HTT: variants seen among roughly 807,000 people sequenced by gnomAD.
HTT encodes the protein huntington disease protein.
HTT carries 104 observed loss-of-function variants against 362.3 expected under a neutral mutation model. The observed-to-expected ratio is 0.29, with a 90% CI of 0.24 to 0.34. The LOEUF is 0.34. HTT is among the 10% of genes least tolerant of loss of function. The probability of loss-of-function intolerance (pLI) is 1.00; values close to 1 mark genes in which losing one functional copy is unlikely to be tolerated. For synonymous variants in HTT, 1,577 were observed against 1,548.7 expected, an observed-to-expected ratio of 1.02 and a Z score of -0.43; for missense variants, 3,301 against 3,928.6, an observed-to-expected ratio of 0.84 and a Z score of 4.27.
chr4:3,124,873 A>G (rs1451883509), intron 10 of HTT, among the ~76,000 whole-genome samples: 1 of 152,204 alleles, frequency 6.6e-6, no homozygotes, highest in East Asian at 1.9e-4. Flanking sequence ...AATTATTTTG[A>G]TAGTGTCATT....
In HTT at chr4:3,099,342, C is replaced by T. The variant is rs1361778147; in HGVS notation, c.416C>T (p.Ala139Val). 3 of 1,613,762 alleles carry T rather than the reference C, an allele frequency of 1.9e-6. No individual in the cohort carries two copies. Among genetic ancestry groups the T allele is most frequent in the Non-Finnish European group, 2.5e-6 (3 of 1,179,768 alleles). ...CTTTTTCTGCTGTGCAGTGATGACG[C>T]AGAGTCAGATGTCAGGATGGTGGCT... is the stretch of plus-strand genomic sequence containing the variant. ...MELFLLCSDD[A>V]ESDVRMVADE... The change falls in exon 3 of 67, where the codon GCA becomes GTA. Residue 139 changes from alanine to valine, a missense_variant. Ala to Val is a moderately conservative substitution (Grantham distance 64). Around this residue, in one of 4 missense-constraint regions of HTT, gnomAD observed 2,316 missense variants for 2,658.5 expected, o/e 0.87. Coordinates refer to ENST00000355072, the MANE Select transcript of HTT (RefSeq NM_001388492.1).
intron 40 of HTT, among the ~76,000 whole-genome samples, chr4:3,192,705 G>A: frequency 6.6e-6 from 1 of 152,218 alleles, no homozygotes; most frequent in East Asian, 1.9e-4. Context: ...AAACAGAAAT[G>A]ATAACAAGTA....
chr4:3,172,464 C>T, intron 30 of HTT, 67 bp downstream of exon 30: 1 of 1,007,156 alleles, frequency 9.9e-7, no homozygotes. Flanking sequence ...GCTGCTACTC[C>T]TTAAGAGGCA....
chr4:3,148,091 G>A lies in HTT; in HGVS notation c.3382G>A (p.Ala1128Thr), dbSNP rs758007776. The A allele has an allele frequency of 9.3e-6, 15 of 1,614,048 alleles. No individual in the cohort carries two copies. The East Asian group carries it at 2.2e-4, about 24-fold the overall frequency. Residue 1128 changes from alanine to threonine, a missense_variant, in exon 26 of 67, where the codon GCC becomes ACC. Physicochemically the swap from Ala to Thr is moderately conservative, Grantham distance 58 (BLOSUM62 0). Around this residue, in one of 4 missense-constraint regions of HTT, gnomAD observed 2,316 missense variants for 2,658.5 expected, o/e 0.87. Transcript: ENST00000355072. The part of the protein sequence containing the change: ...AATKQEEVWP[A>T]LGDRALVPMV... ...CACCAAGCAAGAGGAGGTCTGGCCAGCCCTGGGGGACCGGGCCCTGGTGCC... is the reference window on the plus strand; with the variant it reads ...CACCAAGCAAGAGGAGGTCTGGCCAACCCTGGGGGACCGGGCCCTGGTGCC...
At chr4:3,156,120 C>T (rs1289159107) in intron 27 of HTT, among the ~76,000 whole-genome samples, 4 of 152,006 alleles carry the variant, frequency 2.6e-5, no homozygotes, top group African/African-American at 9.7e-5. Flanking sequence ...TATCCTTGAC[C>T]AACACATTCA....
At chr4:3,237,636 C>T (rs1578619549) in intron 64 of HTT, among the ~76,000 whole-genome samples, 1 of 152,158 alleles carries the variant, frequency 6.6e-6, no homozygotes, top group Non-Finnish European at 1.5e-5. Flanking sequence ...GCAGTGTCTT[C>T]AGAGCGGCTG....
Position 3,186,713 on chromosome 4 carries a change from C to G in HTT, c.4983C>G (p.Asn1661Lys). ...TACGGAGTATGTTCGTCACTCCAAA[C>G]ACAATGGTGAGTCTCTCGCCTGGCT... The part of the protein sequence containing the change: ...MLLRSMFVTP[N>K]TMASVSTVQL... Residue 1661 changes from asparagine (N) to lysine (K), a missense_variant, in exon 38 of 67, where the codon AAC becomes AAG. By Grantham distance (94) the Asn-to-Lys change is moderately conservative. This residue lies in a region of HTT where 2,316 missense variants were observed against 2,658.5 expected (regional missense o/e 0.87). Coordinates refer to ENST00000355072, the MANE Select transcript of HTT (RefSeq NM_001388492.1). 6.2e-7 allele frequency: 1 copy of G among 1,613,172 alleles called. No homozygotes were observed. The highest frequency in any genetic ancestry group is 8.5e-7 in the Non-Finnish European group (1 of 1,179,372).
intron 29 of HTT, among the ~76,000 whole-genome samples, chr4:3,165,738 T>C (rs1272091077): frequency 6.6e-6 from 1 of 152,076 alleles, no homozygotes; most frequent in Non-Finnish European, 1.5e-5. Context: ...CACAAAATTC[T>C]CGTTCTGTGG....
rs1715483902 is a variant in HTT, at chr4:3,125,561, T to C, written c.1334T>C (p.Leu445Ser). The change falls in exon 11 of 67, where the codon TTA becomes TCA. Residue 445 changes from leucine (L) to serine (S), a missense_variant. By Grantham distance (145) the Leu-to-Ser change is moderately radical. This residue lies in a region of HTT where 2,316 missense variants were observed against 2,658.5 expected (regional missense o/e 0.87). Coordinates refer to ENST00000355072, the MANE Select transcript of HTT (RefSeq NM_001388492.1). ...LSRKQKGKVLLGEEEALEDDS... is the reference protein window; with the variant it reads ...LSRKQKGKVLSGEEEALEDDS... ...CATTATTTACTAGGCAAAGTGCTCT[T>C]AGGAGAAGAAGAAGCCTTGGAGGAT... 1 of 1,613,060 alleles carries C rather than the reference T, an allele frequency of 6.2e-7. No homozygotes were observed. The highest frequency in any genetic ancestry group is 1.1e-5 in the South Asian group (1 of 91,068).
chr4:3,198,451 C>T (rs1719371819), intron 40 of HTT, among the ~76,000 whole-genome samples: 1 of 152,154 alleles, frequency 6.6e-6, no homozygotes, highest in Non-Finnish European at 1.5e-5. Flanking sequence ...TCTCGAACTC[C>T]TGACCTCAAG....
At chr4:3,182,828 G>T (rs1037967132) in intron 37 of HTT, among the ~76,000 whole-genome samples, 1 of 152,116 alleles carries the variant, frequency 6.6e-6, no homozygotes, top group Non-Finnish European at 1.5e-5. Context: ...TTATTTGGTG[G>T]TTAGATTTTT....
In HTT at chr4:3,146,799, T is replaced by G. The variant is rs1004980803; in HGVS notation, c.3146T>G (p.Val1049Gly). ...CIWSLGWHCG[V>G]PPLSASDESR... ...ACTTTGCAAATGTCTGCTTCCAGAG[T>G]GCCTCCACTGAGTGCCTCAGATGAG... Residue 1049 changes from valine to glycine, a missense_variant and splice_region_variant, in exon 25 of 67, where the codon GTG (valine) becomes GGG (glycine). By Grantham distance (109) the Val-to-Gly change is moderately radical. Coordinates refer to ENST00000355072, the MANE Select transcript of HTT (RefSeq NM_001388492.1). 6.2e-7 allele frequency: 1 copy of G among 1,613,624 alleles called. No homozygotes were observed. The highest frequency in any genetic ancestry group is 1.3e-5 in the African/African-American group (1 of 74,928).
intron 2 of HTT, among the ~76,000 whole-genome samples, chr4:3,095,561 T>C (rs141862988): frequency 4.4e-4 from 67 of 152,330 alleles, no homozygotes; most frequent in African/African-American, 1.5e-3. Flanking sequence ...TTCAGTTTAG[T>C]GATACTAATT....
chr4:3,188,039 G>T, intron 39 of HTT, 153 bp downstream of exon 39: 1 of 602,494 alleles, frequency 1.7e-6, no homozygotes, highest in Non-Finnish European at 2.9e-6. Flanking sequence ...AATCCGTCCT[G>T]CATTATCTAT....
rs1293216233 is a variant in HTT, at chr4:3,238,903, C to T, written c.9140C>T (p.Ala3047Val). Residue 3047 changes from alanine (A) to valine (V), a missense_variant, in exon 66 of 67, where the codon GCC becomes GTC. Ala to Val is a moderately conservative substitution (Grantham distance 64). This residue lies in a region of HTT where 753 missense variants were observed against 1,021.3 expected (regional missense o/e 0.74). Transcript: ENST00000355072. ...TCCCTCTCCAACTTCACGCAGAGGG[C>T]CCCGGTCGCCATGGCCACGTGGAGC... Reference protein sequence around the residue: ...MLSLSNFTQRAPVAMATWSLS... With the variant: ...MLSLSNFTQRVPVAMATWSLS... 2 of 1,611,602 alleles carry T rather than the reference C, an allele frequency of 1.2e-6. No homozygotes were observed. Among genetic ancestry groups the T allele is most frequent in the African/African-American group, 1.3e-5 (1 of 75,032 alleles).
rs961149840 is a variant in HTT, at chr4:3,178,512, T to C, written c.4612+66T>C. On this transcript the variant is annotated intron_variant, in intron 35 of 66. Coordinates refer to ENST00000355072, the MANE Select transcript of HTT (RefSeq NM_001388492.1). ...ATGTGCTTGGCAGTGTTCGTTTTCA[T>C]ATACCCACTTTGAACGTTGTCAGTG... 21 of 1,447,496 alleles carry C rather than the reference T, an allele frequency of 1.5e-5. No homozygotes were observed. The Middle Eastern group carries it at 9.4e-4, about 65-fold the overall frequency. 89.7% of individuals were successfully genotyped at this position (1,447,496 alleles called of 1,614,324 possible).
intron 26 of HTT, 71 bp from the exon 27 acceptor site, chr4:3,154,222 T>C (rs1717035360): frequency 7.9e-7 from 1 of 1,265,432 alleles, no homozygotes; most frequent in Non-Finnish European, 1.1e-6. Flanking sequence ...AATATTCTAA[T>C]TTTCAGTTTT....
chr4:3,206,629 G>T lies in HTT; in HGVS notation c.5852G>T (p.Gly1951Val). ...SAVHRNSAAS[G>V]LFIQAIQSRC... ...GTTCATCGGAACTCTGCTGCCAGCG[G>T]CCTGTTCATCCAGGCAATTCAGTCT... is the stretch of plus-strand genomic sequence containing the variant. Residue 1951 changes from glycine (G) to valine (V), a missense_variant, in exon 43 of 67, where the codon GGC (glycine) becomes GTC (valine). Coordinates refer to ENST00000355072, the MANE Select transcript of HTT (RefSeq NM_001388492.1). The surrounding 1 kb of genome is among the most constrained non-coding windows in gnomAD (Gnocchi z 4.6). The T allele has an allele frequency of 1.2e-6, 2 of 1,614,184 alleles. No individual in the cohort carries two copies. Among genetic ancestry groups the T allele is most frequent in the Non-Finnish European group, 1.7e-6 (2 of 1,180,046 alleles).
chr4:3,075,224 G>T, intron 1 of HTT, 136 bp downstream of exon 1: 1 of 866,324 alleles, frequency 1.2e-6, no homozygotes, highest in Non-Finnish European at 1.5e-6. Context: ...GCAACCCAGA[G>T]CCCATGAGGG....
Sources: allele counts gnomAD v4.1 joint callset (sites outside exome capture counted in the v4.1 genomes callset), GRCh38; gene constraint gnomAD v4.1.1; regional missense constraint gnomAD v4.1.1; non-coding constraint Gnocchi (gnomAD v3.1); transcripts MANE v1.5; gene names NCBI Gene and HGNC (gene_info 2026-07-23, HGNC 2026-07-21).